Variants in CAMSAP3 observed in about 807,000 individuals in gnomAD.
CAMSAP3 encodes the protein calmodulin-regulated spectrin-associated protein 3.
CAMSAP3 carries 34 observed loss-of-function variants against 112.5 expected under a neutral mutation model. The ratio of observed to expected loss-of-function variants is 0.30; its 90% CI spans 0.23 to 0.40. The LOEUF (loss-of-function observed/expected upper bound fraction) is 0.40, where lower values mean the gene tolerates loss of function less well. CAMSAP3 is among the 10% of genes least tolerant of loss of function. The pLI, the probability that CAMSAP3 is intolerant of heterozygous loss-of-function variation, is 1.00. For missense variants in CAMSAP3, 1,602 were observed against 1,770.3 expected (o/e 0.90, Z 1.71); for synonymous variants, 868 against 799.8 (o/e 1.09, Z -1.44).
chr19:7,610,921 A>G lies in CAMSAP3; in HGVS notation c.1039A>G (p.Ser347Gly). ...TGAGGCCTCCCCACCTCAGAACAAC[A>G]GCGGCAGTAGGTACGCTCCCCACAC... Reference protein sequence around the residue: ...GTEASPPQNNSGSSSPVFTFR... With the variant: ...GTEASPPQNNGGSSSPVFTFR... The change falls in exon 8 of 17, where the codon AGC becomes GGC. Residue 347 changes from serine (S) to glycine (G), a missense_variant. Physicochemically the swap from Ser to Gly is moderately conservative, Grantham distance 56. Around this residue, in one of 6 missense-constraint regions of CAMSAP3, gnomAD observed 1,100 missense variants for 1,135.7 expected, o/e 0.97. Coordinates refer to ENST00000160298, the MANE Select transcript of CAMSAP3 (RefSeq NM_020902.2). This position sits in a 1 kb window ranked among gnomAD's most constrained non-coding sequence, Gnocchi z 4.9. 6.3e-7 allele frequency: 1 copy of G among 1,584,250 alleles called. No homozygotes were observed. The highest frequency in any genetic ancestry group is 8.6e-7 in the Non-Finnish European group (1 of 1,164,144).
At position 7,617,998 on chromosome 19, in the gene CAMSAP3, C is replaced by T. The variant is rs2030905996; in HGVS notation, c.3691C>T (p.His1231Tyr). The T allele has an allele frequency of 6.2e-7, 1 of 1,614,150 alleles. No individual in the cohort carries two copies. The highest frequency in any genetic ancestry group is 8.5e-7 in the Non-Finnish European group (1 of 1,180,036). The stretch of plus-strand genomic sequence containing the variant: ...CGTCGATGCCTTCACCATCCAGGGA[C>T]ACCTCTGGCAGGGCAAGAAACCCAC... ...MSVDAFTIQG[H>Y]LWQGKKPTTP... The change falls in exon 17 of 17, where the codon CAC becomes TAC. Residue 1231 changes from histidine to tyrosine, a missense_variant. By Grantham distance (83) the His-to-Tyr change is moderately conservative. Transcript: ENST00000160298. The surrounding 1 kb of genome is among the most constrained non-coding windows in gnomAD (Gnocchi z 7.5).
Position 7,612,396 on chromosome 19 carries a change from A to G in CAMSAP3, c.1903A>G (p.Ser635Gly). ...FAKHRQRLGKSAFLQVQPREA... is the reference protein window; with the variant it reads ...FAKHRQRLGKGAFLQVQPREA... Reference sequence around the variant, plus strand: ...CAAGCACCGCCAGCGGCTGGGCAAAAGCGCCTTCCTGCAGGTGCAGCCGCG... The same window carrying G: ...CAAGCACCGCCAGCGGCTGGGCAAAGGCGCCTTCCTGCAGGTGCAGCCGCG... The change falls in exon 11 of 17, where the codon AGC becomes GGC. Residue 635 changes from serine to glycine, a missense_variant. Physicochemically the swap from Ser to Gly is moderately conservative, Grantham distance 56 (BLOSUM62 0). This residue lies in a region of CAMSAP3 where 1,100 missense variants were observed against 1,135.7 expected (regional missense o/e 0.97). Transcript: ENST00000160298. 1 of 1,596,814 alleles carries G rather than the reference A, an allele frequency of 6.3e-7. No individual in the cohort carries two copies. The highest frequency in any genetic ancestry group is 8.5e-7 in the Non-Finnish European group (1 of 1,174,570).
At chr19:7,603,359 C>T (rs141126772) in intron 1 of CAMSAP3, among the ~76,000 whole-genome samples, 2,734 of 152,046 alleles carry the variant, frequency 0.018, 129 homozygotes, top group Admixed American at 0.11. Flanking sequence ...GGATTATAGG[C>T]GTGTGCCACC....
chr19:7,599,759 T>C (rs1289717629), intron 1 of CAMSAP3, among the ~76,000 whole-genome samples: 5 of 57,420 alleles, frequency 8.7e-5, no homozygotes, highest in East Asian at 5.7e-4. Flanking sequence ...AACCACGCAC[T>C]CATCCATCCA....
Position 7,610,392 on chromosome 19 carries a change from G to GA in CAMSAP3, c.761-84_761-83insA, listed in dbSNP as rs1339852164. On this transcript the variant is annotated intron_variant, in intron 5 of 16. Coordinates refer to ENST00000160298, the MANE Select transcript of CAMSAP3 (RefSeq NM_020902.2). The surrounding 1 kb of genome is among the most constrained non-coding windows in gnomAD (Gnocchi z 4.9). ...TGGGCTCATAGGAGGTCTTCCGTGT[G>GA]TGGGGGACTGCTGGTCCCTGGCTTC... is the stretch of plus-strand genomic sequence containing the variant. 7.7e-7 allele frequency: 1 copy of GA among 1,296,308 alleles called. No individual in the cohort carries two copies. Among genetic ancestry groups the GA allele is most frequent in the African/African-American group, 1.5e-5 (1 of 67,866 alleles). 80.3% of individuals were successfully genotyped at this position (1,296,308 alleles called of 1,614,324 possible). A position where few individuals can be genotyped will look rare whatever the true frequency, so the allele number is the denominator to read the frequency against.
intron 2 of CAMSAP3, 90 bp from the exon 3 acceptor site, chr19:7,606,181 C>A: frequency 1.1e-6 from 1 of 886,226 alleles, no homozygotes; most frequent in Non-Finnish European, 1.7e-6. Flanking sequence ...TCCCTCCCAT[C>A]TGCAGGTTCT....
intron 5 of CAMSAP3, among the ~76,000 whole-genome samples, chr19:7,609,461 C>T (rs1441549205): frequency 7.9e-5 from 12 of 151,980 alleles, no homozygotes; most frequent in East Asian, 1.9e-4. Context: ...ACACCTGGCC[C>T]GGAAAAGCTT....
rs369275584 is a variant in CAMSAP3, at chr19:7,612,134, C to T, written c.1641C>T (p.Ser547=). 5 of 1,612,546 alleles carry T rather than the reference C, an allele frequency of 3.1e-6. No individual in the cohort carries two copies. In the African/African-American group the frequency reaches 6.7e-5, roughly 22 times the overall value. ...ASKPPAPSEG[S]PKAVASSPAA... is the part of the protein sequence containing the mutation. ...AACCGCCAGCCCCATCCGAGGGGTC[C>T]CCGAAGGCGGTGGCTTCGTCCCCAG... Residue 547 remains serine (S), a synonymous_variant, in exon 11 of 17, where the codon TCC becomes TCT. Coordinates refer to ENST00000160298, the MANE Select transcript of CAMSAP3 (RefSeq NM_020902.2).
rs182143464 is a variant in CAMSAP3, at chr19:7,615,419, C to A, written c.2812C>A (p.Leu938Met). The A allele has an allele frequency of 1.3e-6, 2 of 1,540,492 alleles. No individual in the cohort carries two copies. Among genetic ancestry groups the A allele is most frequent in the Admixed American group, 2.0e-5 (1 of 50,642 alleles). The change falls in exon 13 of 17, where the codon CTG becomes ATG. Residue 938 changes from leucine (L) to methionine (M), a missense_variant and splice_region_variant. By Grantham distance (15) the Leu-to-Met change is conservative (BLOSUM62 2). Coordinates refer to ENST00000160298, the MANE Select transcript of CAMSAP3 (RefSeq NM_020902.2). The surrounding 1 kb of genome is among the most constrained non-coding windows in gnomAD (Gnocchi z 6.5). ...ATGCCGATTCCCTGTGATCTGCAGG[C>A]TGGCCCAAGAGGAGGCCCCGGGCCC... ...KEQRREEAAR[L>M]AQEEAPGPAP... is the part of the protein sequence containing the mutation.
At position 7,612,820 on chromosome 19, in the gene CAMSAP3, A is replaced by T. The variant is rs1363451403; in HGVS notation, c.2327A>T (p.Gln776Leu). 2 of 1,557,512 alleles carry T rather than the reference A, an allele frequency of 1.3e-6. No homozygotes were observed. Among genetic ancestry groups the T allele is most frequent in the Non-Finnish European group, 1.7e-6 (2 of 1,156,078 alleles). ...CGCAGCCCTGGGCCCGGGCCCAGCC[A>T]GTCACCCCGCAGCCCGAAACACACG... ...TRRSPGPGPS[Q>L]SPRSPKHTRP... The change falls in exon 11 of 17, where the codon CAG becomes CTG. Residue 776 changes from glutamine (Q) to leucine (L), a missense_variant. Gln to Leu is a moderately radical substitution (Grantham distance 113). This residue lies in a region of CAMSAP3 where 1,100 missense variants were observed against 1,135.7 expected (regional missense o/e 0.97). Transcript: ENST00000160298.
Position 7,611,757 on chromosome 19 carries a change from G to A in CAMSAP3, c.1264G>A (p.Gly422Arg). Reference protein sequence around the residue: ...GLDSDVDVVMGDPVLLRSVSS... With the variant: ...GLDSDVDVVMRDPVLLRSVSS... ...GGACAGCGACGTGGATGTCGTCATG[G>A]GAGACCCTGTGCTCCTCCGCTCTGT... The change falls in exon 11 of 17, where the codon GGA becomes AGA. Residue 422 changes from glycine to arginine, a missense_variant. By Grantham distance (125) the Gly-to-Arg change is moderately radical (BLOSUM62 -2). Transcript: ENST00000160298. The surrounding 1 kb of genome is among the most constrained non-coding windows in gnomAD (Gnocchi z 6.9). 6.3e-7 allele frequency: 1 copy of A among 1,587,284 alleles called. No individual in the cohort carries two copies.
chr19:7,612,748 C>T lies in CAMSAP3; in HGVS notation c.2255C>T (p.Pro752Leu), dbSNP rs895147646. Residue 752 changes from proline (P) to leucine (L), a missense_variant, in exon 11 of 17, where the codon CCC becomes CTC. By Grantham distance (98) the Pro-to-Leu change is moderately conservative. This residue lies in a region of CAMSAP3 where 1,100 missense variants were observed against 1,135.7 expected (regional missense o/e 0.97). Transcript: ENST00000160298. ...GTCATCCCTGGCCCCACGACGGGGCCCAAAGCTGCATCCCCCAGCCCCGCC... is the reference window on the plus strand; with the variant it reads ...GTCATCCCTGGCCCCACGACGGGGCTCAAAGCTGCATCCCCCAGCCCCGCC... ...AWVIPGPTTG[P>L]KAASPSPARR... 19 of 1,532,530 alleles carry T rather than the reference C, an allele frequency of 1.2e-5. No individual in the cohort carries two copies. Among genetic ancestry groups the T allele is most frequent in the Non-Finnish European group, 1.6e-5 (18 of 1,144,872 alleles). 94.9% of individuals were successfully genotyped at this position (1,532,530 alleles called of 1,614,324 possible).
intron 5 of CAMSAP3, 61 bp downstream of exon 5, chr19:7,608,325 C>G: frequency 6.4e-7 from 1 of 1,555,154 alleles, no homozygotes; most frequent in Admixed American, 1.8e-5. Flanking sequence ...AAGTCCCAGC[C>G]CCTAGACCCT....
intron 11 of CAMSAP3, among the ~76,000 whole-genome samples, chr19:7,613,681 G>T (rs1281705525): frequency 6.6e-6 from 1 of 151,908 alleles, no homozygotes; most frequent in Admixed American, 6.6e-5. Context: ...TGAATGGCTG[G>T]TTGCATGGGT....
rs1437028934 is a variant in CAMSAP3, at chr19:7,612,636, C to G, written c.2143C>G (p.Arg715Gly). ...KLSAALSSLQ[R>G]DMQRLTDQQQ... ...GAGTGCCGCCTTGAGCTCGCTGCAGCGGGACATGCAGAGGCTCACGGACCA... is the reference window on the plus strand; with the variant it reads ...GAGTGCCGCCTTGAGCTCGCTGCAGGGGGACATGCAGAGGCTCACGGACCA... The change falls in exon 11 of 17, where the codon CGG becomes GGG. Residue 715 changes from arginine (R) to glycine (G), a missense_variant. This residue lies in a region of CAMSAP3 where 1,100 missense variants were observed against 1,135.7 expected (regional missense o/e 0.97). Transcript: ENST00000160298. The G allele has an allele frequency of 6.6e-7, 1 of 1,521,108 alleles. No homozygotes were observed. Among genetic ancestry groups the G allele is most frequent in the South Asian group, 1.2e-5 (1 of 82,814 alleles). The allele number at this position is 1,521,108 out of a possible 1,614,324, so 94.2% of individuals were successfully genotyped here.
chr19:7,597,972 AGAG>A (rs2024472746), intron 1 of CAMSAP3, among the ~76,000 whole-genome samples: 2 of 152,206 alleles, frequency 1.3e-5, no homozygotes, highest in East Asian at 1.9e-4. Flanking sequence ...TCCCCTAAAA[AGAG>A]GAGAAGGGCT....
chr19:7,611,602 A>G lies in CAMSAP3; in HGVS notation c.1193+16A>G, dbSNP rs760410245. ...GGCAGCTCAGGTGAGTAGACCTCAC[A>G]GGCCAGGGTAGGGGGTGGAGCAGGC... On this transcript the variant is annotated intron_variant, in intron 10 of 16. Coordinates refer to ENST00000160298, the MANE Select transcript of CAMSAP3 (RefSeq NM_020902.2). The surrounding 1 kb of genome is among the most constrained non-coding windows in gnomAD (Gnocchi z 6.9). 4 of 1,609,972 alleles carry G rather than the reference A, an allele frequency of 2.5e-6. No individual in the cohort carries two copies. Among genetic ancestry groups the G allele is most frequent in the Non-Finnish European group, 2.5e-6 (3 of 1,178,512 alleles).
intron 4 of CAMSAP3, 166 bp downstream of exon 4, chr19:7,606,737 C>T: frequency 6.2e-7 from 1 of 1,613,432 alleles, no homozygotes; most frequent in South Asian, 1.1e-5. Flanking sequence ...GTCCCCTGTG[C>T]CGGTACCCGC....
chr19:7,613,941 C>T (rs762261568), intron 11 of CAMSAP3, among the ~76,000 whole-genome samples: 23 of 152,044 alleles, frequency 1.5e-4, no homozygotes, highest in Non-Finnish European at 2.9e-4. Flanking sequence ...TGACTGCTCC[C>T]CTTACCCTTG....
Sources: gnomAD v4.1 joint callset for allele counts (sites outside exome capture counted in the v4.1 genomes callset) on GRCh38, gnomAD v4.1.1 for gene constraint, gnomAD v4.1.1 regional missense constraint, Gnocchi (gnomAD v3.1) non-coding constraint, MANE v1.5 for transcripts, NCBI Gene and HGNC (gene_info 2026-07-23, HGNC 2026-07-21) for gene names.